Variants in SLC15A5 observed in about 807,000 individuals in gnomAD.
The protein encoded by SLC15A5 is Peptide/histidine transporter ENSP00000340402.
SLC15A5 carries 58 observed loss-of-function variants against 56.1 expected under a neutral mutation model. That is an observed-to-expected ratio of 1.03 (90% CI 0.84 to 1.29). The LOEUF (loss-of-function observed/expected upper bound fraction) is 1.29, where lower values mean the gene tolerates loss of function less well. Among genes scored for constraint, SLC15A5 ranks in the 50% most tolerant of loss-of-function variants. SLC15A5 has a pLI of 0.00. For synonymous variants in SLC15A5, 264 were observed against 250.5 expected (o/e 1.05, Z -0.51); for missense variants, 681 against 672.1 (o/e 1.01, Z -0.15).
chr12:16,233,370 C>A (rs1334060010), intron 5 of SLC15A5, among the ~76,000 whole-genome samples: 1 of 152,072 alleles, frequency 6.6e-6, no homozygotes, highest in Non-Finnish European at 1.5e-5. Flanking sequence ...AAATAAATTT[C>A]TATGATTTTT....
At chr12:16,241,978 T>C (rs1409858756) in intron 4 of SLC15A5, among the ~76,000 whole-genome samples, 3 of 152,154 alleles carry the variant, frequency 2.0e-5, no homozygotes, top group Non-Finnish European at 4.4e-5. Flanking sequence ...CCTGTAAAAT[T>C]TTAAATACTT....
In SLC15A5 at chr12:16,189,193, G is replaced by A. The variant is rs1447673783; in HGVS notation, c.*475C>T. 2 of 152,078 alleles carry A rather than the reference G, an allele frequency of 1.3e-5. No individual in the cohort carries two copies. The highest frequency in any genetic ancestry group is 2.9e-5 in the Non-Finnish European group (2 of 68,004). 9.4% of individuals were successfully genotyped at this position (152,078 alleles called of 1,614,324 possible). ...ATTAACAGCAAATATAGAAAATCATGTATATGTTTATTATTTACTCAGTTA... is the reference window on the plus strand; with the variant it reads ...ATTAACAGCAAATATAGAAAATCATATATATGTTTATTATTTACTCAGTTA... On this transcript the variant is annotated 3_prime_UTR_variant, in exon 9 of 9. Coordinates refer to ENST00000344941, the MANE Select transcript of SLC15A5 (RefSeq NM_001170798.1).
chr12:16,210,356 TC>T (rs1864067760), intron 7 of SLC15A5, among the ~76,000 whole-genome samples: 3 of 152,120 alleles, frequency 2.0e-5, no homozygotes, highest in Non-Finnish European at 4.4e-5. Flanking sequence ...TCTAATTTCT[TC>T]TTCTCCCAAT....
chr12:16,224,012 G>A (rs187007262), intron 6 of SLC15A5, among the ~76,000 whole-genome samples: 10 of 152,212 alleles, frequency 6.6e-5, no homozygotes, highest in Admixed American at 5.9e-4. Context: ...CACCGCACCC[G>A]GCCTGTGAGT....
Position 16,267,603 on chromosome 12 carries a change from C to G in SLC15A5, c.584+4958G>C, listed in dbSNP as rs1188539333. 3.6e-5 allele frequency among the ~76,000 whole-genome samples: 4 copies of G among 111,742 alleles called. 2 individuals carry two copies. The highest frequency in any genetic ancestry group is 7.5e-5 in the Non-Finnish European group (4 of 53,450). The allele number at this position is 111,742 out of a possible 152,430, so 73.3% of individuals were successfully genotyped here. Reference sequence around the variant, plus strand: ...TAAAAATTTGGGGGACTGCTTTACTCTCTCTCCCAAGCTCTCCCTACCTCT... The same window carrying G: ...TAAAAATTTGGGGGACTGCTTTACTGTCTCTCCCAAGCTCTCCCTACCTCT... On this transcript the variant is annotated intron_variant, in intron 2 of 8. Coordinates refer to ENST00000344941, the MANE Select transcript of SLC15A5 (RefSeq NM_001170798.1).
chr12:16,254,877 G>A (rs185726196), intron 3 of SLC15A5, among the ~76,000 whole-genome samples: 67 of 152,194 alleles, frequency 4.4e-4, no homozygotes, highest in Non-Finnish European at 2.6e-4. Flanking sequence ...TTTATTAAGT[G>A]ACACAAAATT....
intron 3 of SLC15A5, among the ~76,000 whole-genome samples, chr12:16,252,304 C>G (rs1113923): frequency 2.6e-5 from 4 of 151,848 alleles, no homozygotes; most frequent in African/African-American, 9.7e-5. Flanking sequence ...CTGAAAGTTT[C>G]AGACAGAGAA....
intron 8 of SLC15A5, among the ~76,000 whole-genome samples, chr12:16,194,094 T>C (rs1863871710): frequency 6.6e-6 from 1 of 152,078 alleles, no homozygotes; most frequent in Non-Finnish European, 1.5e-5. Context: ...TCTAAAGTGA[T>C]GCTACATAGT....
chr12:16,260,785 G>A (rs1205446854), intron 2 of SLC15A5, among the ~76,000 whole-genome samples: 1 of 150,894 alleles, frequency 6.6e-6, no homozygotes, highest in East Asian at 1.9e-4. Flanking sequence ...ACTTTTATGG[G>A]TTTTGATCTC....
At chr12:16,232,931 AAGAGAG>A (rs561044359) in intron 5 of SLC15A5, among the ~76,000 whole-genome samples, 1 of 150,552 alleles carries the variant, frequency 6.6e-6, no homozygotes, top group African/African-American at 2.4e-5. Context: ...GAAAAAAAGA[AAGAGAG>A]AGAGAGAGGA....
At chr12:16,245,508 G>C (rs1270342699) in intron 3 of SLC15A5, among the ~76,000 whole-genome samples, 1 of 152,118 alleles carries the variant, frequency 6.6e-6, no homozygotes, top group Non-Finnish European at 1.5e-5. Context: ...CAACCTCATT[G>C]TTGCTTCTTT....
chr12:16,224,989 G>C (rs1460638209), intron 5 of SLC15A5, among the ~76,000 whole-genome samples: 1 of 148,722 alleles, frequency 6.7e-6, no homozygotes, highest in Non-Finnish European at 1.5e-5. Context: ...TTGGTTTTTT[G>C]TCCTTATGAT....
intron 2 of SLC15A5, among the ~76,000 whole-genome samples, chr12:16,261,360 C>A (rs1338189232): frequency 6.6e-6 from 1 of 152,148 alleles, no homozygotes; most frequent in South Asian, 2.1e-4. Flanking sequence ...AATCTGGCTT[C>A]TTTCACTTAG....
chr12:16,195,123 A>G (rs552837806), intron 7 of SLC15A5, among the ~76,000 whole-genome samples: 3 of 152,136 alleles, frequency 2.0e-5, no homozygotes, highest in East Asian at 3.9e-4. Context: ...ATATGAAACT[A>G]TTCAAGGTTC....
chr12:16,249,787 T>C (rs1394427993), intron 3 of SLC15A5, among the ~76,000 whole-genome samples: 3 of 152,046 alleles, frequency 2.0e-5, no homozygotes, highest in African/African-American at 7.2e-5. Context: ...TATATATGAA[T>C]ATATGTATAC....
intron 7 of SLC15A5, among the ~76,000 whole-genome samples, chr12:16,200,022 A>C (rs1205344479): frequency 6.6e-6 from 1 of 152,012 alleles, no homozygotes; most frequent in African/African-American, 2.4e-5. Context: ...AAATATCCAC[A>C]TACACTCTCA....
intron 3 of SLC15A5, among the ~76,000 whole-genome samples, chr12:16,245,453 C>T (rs1483486451): frequency 1.3e-5 from 2 of 152,182 alleles, no homozygotes; most frequent in Non-Finnish European, 2.9e-5. Context: ...ATCAGAAGCG[C>T]TTTATTGCTT....
chr12:16,270,959 A>G (rs1864747930), intron 2 of SLC15A5, among the ~76,000 whole-genome samples: 1 of 152,230 alleles, frequency 6.6e-6, no homozygotes, highest in African/African-American at 2.4e-5. Flanking sequence ...ATCACATTAA[A>G]AAATAACAGC....
intron 6 of SLC15A5, among the ~76,000 whole-genome samples, chr12:16,219,966 A>G (rs931058430): frequency 1.3e-5 from 2 of 152,182 alleles, no homozygotes; most frequent in African/African-American, 4.8e-5. Flanking sequence ...GCCACATCAC[A>G]GCATATGAGG....
Sources: allele counts gnomAD v4.1 joint callset (sites outside exome capture counted in the v4.1 genomes callset), GRCh38; gene constraint gnomAD v4.1.1; transcripts MANE v1.5; gene names NCBI Gene and HGNC (gene_info 2026-07-23, HGNC 2026-07-21).